Variants in SWAP70 observed in about 807,000 individuals in gnomAD.
SWAP70 encodes the protein switching B cell complex subunit SWAP70.
A neutral mutation model predicts 80.2 loss-of-function variants in SWAP70; 34 were observed. The observed-to-expected ratio is 0.42, with a 90% CI of 0.32 to 0.56. The LOEUF is 0.56. Among genes scored for constraint, SWAP70 ranks in the 20% least tolerant of loss-of-function variants. SWAP70 has a pLI of 0.09. For missense variants in SWAP70, 578 were observed against 690.7 expected, an observed-to-expected ratio of 0.84 and a Z score of 1.83; for synonymous variants, 239 against 238.5, an observed-to-expected ratio of 1.00 and a Z score of -0.02.
At chr11:9,679,616 C>T (rs887991965) in intron 1 of SWAP70, among the ~76,000 whole-genome samples, 5 of 152,022 alleles carry the variant, frequency 3.3e-5, no homozygotes, top group African/African-American at 7.3e-5. Context: ...AGGTCCTTTA[C>T]CTGGGTGACT....
At chr11:9,690,102 C>T (rs1385502392) in intron 1 of SWAP70, among the ~76,000 whole-genome samples, 4 of 152,070 alleles carry the variant, frequency 2.6e-5, no homozygotes, top group African/African-American at 7.2e-5. Context: ...TCAGCCTCTT[C>T]GTCTGTAAAA....
intron 10 of SWAP70, among the ~76,000 whole-genome samples, chr11:9,748,350 G>A (rs932923242): frequency 1.3e-5 from 2 of 152,206 alleles, no homozygotes; most frequent in African/African-American, 2.4e-5. Flanking sequence ...AACAGCAGAC[G>A]TAGGGAGCAG....
At chr11:9,745,017 T>A (rs991416141) in intron 9 of SWAP70, among the ~76,000 whole-genome samples, 1 of 152,250 alleles carries the variant, frequency 6.6e-6, no homozygotes, top group Non-Finnish European at 1.5e-5. Context: ...CTTAGTCGTG[T>A]CTGTATTCCC....
At chr11:9,695,528 C>G (rs1330212879) in intron 2 of SWAP70, among the ~76,000 whole-genome samples, 1 of 151,148 alleles carries the variant, frequency 6.6e-6, no homozygotes, top group Non-Finnish European at 1.5e-5. Context: ...TAACAGAAAA[C>G]CAGACACCAC....
chr11:9,730,618 T>G (rs1176773770), intron 6 of SWAP70, among the ~76,000 whole-genome samples: 1 of 152,188 alleles, frequency 6.6e-6, no homozygotes, highest in Admixed American at 6.5e-5. Flanking sequence ...AATTTTAAAG[T>G]GGCCATCTTG....
chr11:9,693,092 T>C (rs1259461815), intron 1 of SWAP70, among the ~76,000 whole-genome samples: 1 of 152,176 alleles, frequency 6.6e-6, no homozygotes, highest in Non-Finnish European at 1.5e-5. Flanking sequence ...ACTCGCTTAA[T>C]GCAAATGAAA....
At chr11:9,674,292 G>A (rs1296299688) in intron 1 of SWAP70, among the ~76,000 whole-genome samples, 1 of 152,140 alleles carries the variant, frequency 6.6e-6, no homozygotes, top group East Asian at 1.9e-4. Flanking sequence ...GACCATGGAT[G>A]AAAACCTATA....
intron 3 of SWAP70, 67 bp from the exon 4 acceptor site, chr11:9,724,591 C>A: frequency 8.2e-7 from 1 of 1,212,784 alleles, no homozygotes; most frequent in Non-Finnish European, 1.2e-6. Flanking sequence ...GTGTTTATAA[C>A]ATAAATACAT....
chr11:9,732,861 C>A, intron 7 of SWAP70, 151 bp downstream of exon 7: 1 of 728,224 alleles, frequency 1.4e-6, no homozygotes, highest in Non-Finnish European at 2.1e-6. Flanking sequence ...GTTTCCAGAC[C>A]ATCAAGTGAG....
At position 9,696,817 on chromosome 11, in the gene SWAP70, T is replaced by C. The variant is rs1850763962; in HGVS notation, c.240+2531T>C. On this transcript the variant is annotated intron_variant, in intron 2 of 11. Coordinates refer to ENST00000318950, the MANE Select transcript of SWAP70 (RefSeq NM_015055.4). The stretch of plus-strand genomic sequence containing the variant: ...TTGTATACTTCTAAGTTTTAAATTC[T>C]TACTATTTTTATCATTTTTTGCTTA... Among the ~76,000 whole-genome samples the C allele has an allele frequency of 1.3e-5, 2 of 152,198 alleles. 1 individual carries two copies. Among genetic ancestry groups the C allele is most frequent in the African/African-American group, 4.8e-5 (2 of 41,462 alleles).
chr11:9,710,197 G>C (rs1850977052), intron 2 of SWAP70, among the ~76,000 whole-genome samples: 1 of 152,052 alleles, frequency 6.6e-6, no homozygotes, highest in Admixed American at 6.5e-5. Flanking sequence ...TGTATTTTCT[G>C]ATCTCTAAAA....
At chr11:9,676,352 C>G (rs1850500396) in intron 1 of SWAP70, among the ~76,000 whole-genome samples, 1 of 152,016 alleles carries the variant, frequency 6.6e-6, no homozygotes, top group Non-Finnish European at 1.5e-5. Flanking sequence ...CATTTTTCCC[C>G]CTTGGTTTGG....
chr11:9,740,499 G>A (rs764221993), intron 9 of SWAP70, 152 bp downstream of exon 9: 7 of 792,830 alleles, frequency 8.8e-6, no homozygotes, highest in Admixed American at 6.2e-5. Flanking sequence ...AAAGACTGTG[G>A]AGACTCGACC....
chr11:9,740,114 T>C (rs1851416382), intron 8 of SWAP70, 67 bp from the exon 9 acceptor site: 2 of 1,487,554 alleles, frequency 1.3e-6, no homozygotes, highest in Non-Finnish European at 1.8e-6. Context: ...ACCCCTCAGG[T>C]GGAGGTGAGG....
At chr11:9,725,554 TA>T (rs1851205181) in intron 4 of SWAP70, among the ~76,000 whole-genome samples, 16 of 10,162 alleles carry the variant, frequency 1.6e-3, no homozygotes, top group African/African-American at 4.6e-3. Flanking sequence ...TATATATATA[TA>T]TATATATATA....
At chr11:9,720,598 C>A in intron 3 of SWAP70, 3 of 525,280 alleles carry the variant, frequency 5.7e-6, no homozygotes, top group Non-Finnish European at 7.3e-6. Flanking sequence ...TGGCTATACA[C>A]ATGTGCTTCC....
intron 1 of SWAP70, among the ~76,000 whole-genome samples, chr11:9,678,817 T>C (rs1221838656): frequency 1.3e-5 from 2 of 152,068 alleles, no homozygotes; most frequent in Non-Finnish European, 2.9e-5. Context: ...TGGTGATTAT[T>C]AGCACATTAG....
At chr11:9,701,496 T>G (rs542656048) in intron 2 of SWAP70, among the ~76,000 whole-genome samples, 1 of 151,914 alleles carries the variant, frequency 6.6e-6, no homozygotes, top group African/African-American at 2.4e-5. Context: ...TTTAAATTCC[T>G]TCTTGGCTGG....
chr11:9,671,371 TAAAA>T (rs1266289543), intron 1 of SWAP70, among the ~76,000 whole-genome samples: 1 of 107,432 alleles, frequency 9.3e-6, no homozygotes, highest in South Asian at 2.8e-4. Flanking sequence ...TAAAATAAAA[TAAAA>T]ATAAAAATAT....
Sources: gnomAD v4.1 joint callset for allele counts (sites outside exome capture counted in the v4.1 genomes callset) on GRCh38, gnomAD v4.1.1 for gene constraint, MANE v1.5 for transcripts, NCBI Gene and HGNC (gene_info 2026-07-23, HGNC 2026-07-21) for gene names.